PLEKHH1: variants seen among roughly 807,000 people sequenced by gnomAD.
The protein encoded by PLEKHH1 is pleckstrin homology, MyTH4 and FERM domain containing H1, also known as pleckstrin homology domain-containing family H member 1.
In PLEKHH1, 104 loss-of-function variants were observed where a neutral mutation model predicts 160.0. The observed-to-expected ratio is 0.65, with a 90% confidence interval of 0.55 to 0.76. The LOEUF (loss-of-function observed/expected upper bound fraction) is 0.76. Ranked by LOEUF, PLEKHH1 falls within the 30% of genes least tolerant of loss-of-function variation. The pLI, the probability that PLEKHH1 is intolerant of heterozygous loss-of-function variation, is 0.00. For missense variants in PLEKHH1, 1,427 were observed against 1,724.1 expected (o/e 0.83, Z 3.05); for synonymous variants, 619 against 678.4 (o/e 0.91, Z 1.36).
At chr14:67,546,468 G>A (rs2034185892) in intron 2 of PLEKHH1, among the ~76,000 whole-genome samples, 1 of 152,086 alleles carries the variant, frequency 6.6e-6, no homozygotes, top group African/African-American at 2.4e-5. Flanking sequence ...GTGGCCCATT[G>A]CAACCTCCCC....
At chr14:67,540,498 A>G (rs2033920763) in intron 1 of PLEKHH1, among the ~76,000 whole-genome samples, 1 of 151,886 alleles carries the variant, frequency 6.6e-6, no homozygotes, top group South Asian at 2.1e-4. Context: ...TTGATGGTGC[A>G]CGCCTGTAAT....
At chr14:67,579,587 C>G in intron 21 of PLEKHH1, 134 bp from the exon 22 acceptor site, 2 of 882,644 alleles carry the variant, frequency 2.3e-6, no homozygotes, top group Non-Finnish European at 1.7e-6. Flanking sequence ...CCTGTGAACA[C>G]AGAAACCAAC....
intron 2 of PLEKHH1, among the ~76,000 whole-genome samples, chr14:67,553,180 G>T (rs2034466203): frequency 6.6e-6 from 1 of 152,152 alleles, no homozygotes; most frequent in Non-Finnish European, 1.5e-5. Context: ...TCACAAATAT[G>T]AATTATCATT....
intron 2 of PLEKHH1, among the ~76,000 whole-genome samples, chr14:67,554,387 G>A (rs2034513638): frequency 6.6e-6 from 1 of 152,212 alleles, no homozygotes; most frequent in African/African-American, 2.4e-5. Flanking sequence ...CAAATCCTTA[G>A]AGAGGAGGTT....
Position 67,573,781 on chromosome 14 carries a change from C to T in PLEKHH1, c.1840-20C>T. On this transcript the variant is annotated intron_variant, in intron 12 of 28. Transcript: ENST00000329153. The surrounding 1 kb of genome is among the most constrained non-coding windows in gnomAD (Gnocchi z 4.8). ...AGGCTCCACATTCAGTGGCTCTCCT[C>T]TCCAATACTTTCTTTACAGAGTGAT... 6.4e-7 allele frequency: 1 copy of T among 1,550,824 alleles called. No homozygotes were observed. The highest frequency in any genetic ancestry group is 8.9e-7 in the Non-Finnish European group (1 of 1,122,088).
At chr14:67,545,439 C>A in intron 2 of PLEKHH1, among the ~76,000 whole-genome samples, 1 of 151,572 alleles carries the variant, frequency 6.6e-6, no homozygotes, top group Admixed American at 6.6e-5. Flanking sequence ...GGAGGGATAA[C>A]AAATAGAAAC....
rs571514727 is a variant in PLEKHH1 at position 67,577,354 on chromosome 14, C to T, written c.2514C>T (p.Tyr838=). 23 of 1,589,068 alleles carry T rather than the reference C, an allele frequency of 1.4e-5. No individual in the cohort carries two copies. In the Admixed American group the frequency reaches 1.8e-4, roughly 12 times the overall value. ...TGTGCTACAGCAAAGACGGCCTATA[C>T]GCCTCCCTCACCACCCTGCCCTCTG... The part of the protein sequence containing the change: ...PMLCYSKDGL[Y]ASLTTLPSEA... The change falls in exon 18 of 29, where the codon TAC becomes TAT. Residue 838 remains tyrosine, a synonymous_variant. Coordinates refer to ENST00000329153, the MANE Select transcript of PLEKHH1 (RefSeq NM_020715.3).
intron 8 of PLEKHH1, 61 bp downstream of exon 8, chr14:67,569,277 GGGA>G (rs925717383): frequency 2.0e-5 from 25 of 1,223,732 alleles, no homozygotes; most frequent in Non-Finnish European, 2.8e-5. Context: ...TGGGCAAGCG[GGGA>G]GGAGAAGACT....
At position 67,576,503 on chromosome 14, in the gene PLEKHH1, G is replaced by C. The variant is rs1301888082; in HGVS notation, c.2461G>C (p.Asp821His). Reference sequence around the variant, plus strand: ...ACTGATGGATGGTGAAGGAGATCCAGGTAAGGCAAGGGTGGCCACCACTGC... The same window carrying C: ...ACTGATGGATGGTGAAGGAGATCCACGTAAGGCAAGGGTGGCCACCACTGC... The part of the protein sequence containing the change: ...GKLMDGEGDP[D>H]SPLWRHPMLC... Residue 821 changes from aspartate (D) to histidine (H), a missense_variant and splice_region_variant, in exon 17 of 29, where the codon GAT becomes CAT. Physicochemically the swap from Asp to His is moderately conservative, Grantham distance 81. Coordinates refer to ENST00000329153, the MANE Select transcript of PLEKHH1 (RefSeq NM_020715.3). This position sits in a 1 kb window ranked among gnomAD's most constrained non-coding sequence, Gnocchi z 4.0. 6.0e-6 allele frequency: 9 copies of C among 1,503,612 alleles called. No individual in the cohort carries two copies. The highest frequency in any genetic ancestry group is 8.3e-6 in the Non-Finnish European group (9 of 1,079,722). The allele number at this position is 1,503,612 out of a possible 1,614,324, so 93.1% of individuals were successfully genotyped here. A position where few individuals can be genotyped will look rare whatever the true frequency, so the allele number is the denominator to read the frequency against.
chr14:67,577,070 G>A (rs1376617609), intron 17 of PLEKHH1, among the ~76,000 whole-genome samples: 3 of 152,064 alleles, frequency 2.0e-5, no homozygotes, highest in African/African-American at 4.8e-5. Context: ...CCACAACCTT[G>A]CACACTCACC....
At position 67,573,248 on chromosome 14, in the gene PLEKHH1, T is replaced by C; in HGVS notation, c.1729-28T>C. ...TAGGAGCCCTGAGTGATTTCCCCTTTCTTCATCTACACCCTTCCACCCCTC... is the reference window on the plus strand; with the variant it reads ...TAGGAGCCCTGAGTGATTTCCCCTTCCTTCATCTACACCCTTCCACCCCTC... On this transcript the variant is annotated intron_variant, in intron 11 of 28. Coordinates refer to ENST00000329153, the MANE Select transcript of PLEKHH1 (RefSeq NM_020715.3). The surrounding 1 kb of genome is among the most constrained non-coding windows in gnomAD (Gnocchi z 4.8). 2.1e-6 allele frequency: 3 copies of C among 1,430,716 alleles called. No individual in the cohort carries two copies. The highest frequency in any genetic ancestry group is 3.0e-6 in the Non-Finnish European group (3 of 1,016,550). 88.6% of individuals were successfully genotyped at this position (1,430,716 alleles called of 1,614,324 possible).
At chr14:67,558,082 C>A (rs1207320464) in intron 4 of PLEKHH1, among the ~76,000 whole-genome samples, 3 of 152,220 alleles carry the variant, frequency 2.0e-5, no homozygotes, top group African/African-American at 7.2e-5. Context: ...CCACTTGGCA[C>A]CTTTGCTCCT....
At chr14:67,559,886 C>G (rs924598829) in intron 5 of PLEKHH1, among the ~76,000 whole-genome samples, 195 bp downstream of exon 5, 3 of 152,164 alleles carry the variant, frequency 2.0e-5, no homozygotes, top group Non-Finnish European at 4.4e-5. Flanking sequence ...TTGGGTCTCC[C>G]TGGAGCTCCT....
At chr14:67,575,596 C>T (rs1324710316) in intron 15 of PLEKHH1, 124 bp downstream of exon 15, 1 of 763,830 alleles carries the variant, frequency 1.3e-6, no homozygotes, top group Non-Finnish European at 2.3e-6. Flanking sequence ...AATCAGTTGG[C>T]TGGATCCCTC....
At position 67,579,431 on chromosome 14, in the gene PLEKHH1, T is replaced by A. The variant is rs576883283; in HGVS notation, c.3027+120T>A. The A allele has an allele frequency of 3.7e-6, 3 of 809,724 alleles. No individual in the cohort carries two copies. The African/African-American group carries it at 5.2e-5, about 14-fold the overall frequency. 50.2% of individuals were successfully genotyped at this position (809,724 alleles called of 1,614,324 possible). ...ACTGTTGCCCCAGAAGTAGATATTA[T>A]GAACTCACTGCATGAACAGGGAAGC... On this transcript the variant is annotated intron_variant, in intron 21 of 28. Transcript: ENST00000329153.
chr14:67,533,365 G>T lies in PLEKHH1; in HGVS notation c.-68G>T, dbSNP rs2140293708. The T allele has an allele frequency of 6.6e-6, 1 of 151,698 alleles. No homozygotes were observed. The highest frequency in any genetic ancestry group is 1.5e-5 in the Non-Finnish European group (1 of 67,848). 9.4% of individuals were successfully genotyped at this position (151,698 alleles called of 1,614,324 possible). A position where few individuals can be genotyped will look rare whatever the true frequency, so the allele number is the denominator to read the frequency against. On this transcript the variant is annotated 5_prime_UTR_variant, in exon 1 of 29. Transcript: ENST00000329153. ...CGGCCCGAGGGCGCCCGTGTGCCCA[G>T]TGCGCGGCGGGGACGGCCGCGAGCT... is the stretch of plus-strand genomic sequence containing the variant.
At chr14:67,544,577 G>T (rs189109721) in intron 2 of PLEKHH1, among the ~76,000 whole-genome samples, 8 of 152,294 alleles carry the variant, frequency 5.3e-5, no homozygotes, top group African/African-American at 1.9e-4. Context: ...GGAACTGTTG[G>T]CAAGAGACTA....
chr14:67,537,396 G>A (rs1361543592), intron 1 of PLEKHH1, among the ~76,000 whole-genome samples: 1 of 133,508 alleles, frequency 7.5e-6, no homozygotes, highest in Non-Finnish European at 1.6e-5. Flanking sequence ...TTAATCTTAG[G>A]CTGGGCGCAG....
chr14:67,559,105 A>G (rs1011657190), intron 4 of PLEKHH1, among the ~76,000 whole-genome samples: 3 of 152,232 alleles, frequency 2.0e-5, no homozygotes, highest in African/African-American at 7.2e-5. Flanking sequence ...ATGCCCAGCC[A>G]GGCTGCTCCT....
Sources: allele counts gnomAD v4.1 joint callset (sites outside exome capture counted in the v4.1 genomes callset), GRCh38; gene constraint gnomAD v4.1.1; non-coding constraint Gnocchi (gnomAD v3.1); transcripts MANE v1.5; gene names NCBI Gene and HGNC (gene_info 2026-07-23, HGNC 2026-07-21).